Variants in MEI1 observed in about 807,000 individuals in gnomAD.
The protein encoded by MEI1 is meiosis inhibitor protein 1.
A neutral mutation model predicts 146.2 loss-of-function variants in MEI1; 103 were observed. The ratio of observed to expected loss-of-function variants is 0.70; its 90% confidence interval spans 0.60 to 0.83. MEI1 has a LOEUF of 0.83. Ranked by LOEUF, MEI1 falls within the 40% of genes least tolerant of loss-of-function variation. The pLI is 0.00. For missense variants in MEI1, 1,529 were observed against 1,533.0 expected, an observed-to-expected ratio of 1.00 and a Z score of 0.04; for synonymous variants, 652 against 628.2, an observed-to-expected ratio of 1.04 and a Z score of -0.57.
At chr22:41,736,884 C>A (rs5758441) in intron 11 of MEI1, among the ~76,000 whole-genome samples, 97,106 of 151,986 alleles carry the variant, frequency 0.64, 34,166 homozygotes, top group East Asian at 0.92. Context: ...AACTCCAGAC[C>A]ACATTTCCAA....
chr22:41,700,287 A>C (rs906925274), intron 1 of MEI1, among the ~76,000 whole-genome samples: 2 of 152,202 alleles, frequency 1.3e-5, no homozygotes, highest in Admixed American at 6.5e-5. Flanking sequence ...GAGCTGGCCA[A>C]AGCGGGCTGC....
At chr22:41,726,017 T>G (rs1171352637) in intron 7 of MEI1, among the ~76,000 whole-genome samples, 1 of 152,158 alleles carries the variant, frequency 6.6e-6, no homozygotes. Flanking sequence ...CAGTGGCTCA[T>G]GCCTGTAATC....
At chr22:41,752,696 T>A in intron 16 of MEI1, 45 bp downstream of exon 16, 1 of 1,506,596 alleles carries the variant, frequency 6.6e-7, no homozygotes, top group Non-Finnish European at 9.1e-7. Flanking sequence ...GGGGCCAATG[T>A]CCCTCTTGAT....
chr22:41,699,535 G>GGA lies in MEI1; in HGVS notation c.-1_1dup, dbSNP rs143622216. 40,863 of 1,609,916 alleles carry GGA rather than the reference G, an allele frequency of 0.025. 2,770 individuals carry two copies. The African/African-American group carries it at 0.26, about 10-fold the overall frequency. The stretch of plus-strand genomic sequence containing the variant: ...TGCCGCCTCAGCTGAGGGCAAGCGA[G>GGA]GAGATGGCTGTGAGGCAGGCGGCGA... On this transcript the variant is annotated 5_prime_UTR_variant, in exon 1 of 31. Transcript: ENST00000401548.
At position 41,776,141 on chromosome 22, in the gene MEI1, G is replaced by T; in HGVS notation, c.2584G>T (p.Val862Leu). The T allele has an allele frequency of 6.2e-7, 1 of 1,613,944 alleles. No homozygotes were observed. Among genetic ancestry groups the T allele is most frequent in the Non-Finnish European group, 8.5e-7 (1 of 1,179,880 alleles). ...CAGCCCAGTGGACACAGCTCACAAG[G>T]TACTGATTAGCCTGAGGACCTTCCT... ...YSSPVDTAHK[V>L]LISLRTFLRR... The change falls in exon 21 of 31, where the codon GTA becomes TTA. Residue 862 changes from valine (V) to leucine (L), a missense_variant. Val to Leu is a conservative substitution (Grantham distance 32). Around this residue, in one of 3 missense-constraint regions of MEI1, gnomAD observed 1,212 missense variants for 1,178.9 expected, o/e 1.03. Coordinates refer to ENST00000401548, the MANE Select transcript of MEI1 (RefSeq NM_152513.4).
intron 5 of MEI1, among the ~76,000 whole-genome samples, chr22:41,717,255 C>A (rs2070293270): frequency 6.6e-6 from 1 of 152,078 alleles, no homozygotes; most frequent in Non-Finnish European, 1.5e-5. Flanking sequence ...CTCTGCCTCC[C>A]AGGTTCAAGT....
intron 4 of MEI1, among the ~76,000 whole-genome samples, chr22:41,715,642 G>A (rs1442025687): frequency 1.3e-5 from 2 of 151,838 alleles, no homozygotes; most frequent in African/African-American, 2.4e-5. Flanking sequence ...TGATCCGCCC[G>A]CCTCGGCCTC....
chr22:41,726,315 G>T (rs543259389), intron 7 of MEI1, among the ~76,000 whole-genome samples: 1 of 152,294 alleles, frequency 6.6e-6, no homozygotes, highest in African/African-American at 2.4e-5. Flanking sequence ...CTAGGATCAG[G>T]TTTCTGACTT....
At chr22:41,750,334 T>C (rs2073663471) in intron 15 of MEI1, among the ~76,000 whole-genome samples, 1 of 152,058 alleles carries the variant, frequency 6.6e-6, no homozygotes, top group African/African-American at 2.4e-5. Flanking sequence ...GTTTTGTGGA[T>C]TGGGGAGTAG....
intron 14 of MEI1, among the ~76,000 whole-genome samples, chr22:41,747,904 C>G (rs543827069): frequency 2.5e-4 from 38 of 152,204 alleles, no homozygotes; most frequent in African/African-American, 8.7e-4. Context: ...GTCTTGGGAA[C>G]AGAAGCCCAA....
intron 15 of MEI1, among the ~76,000 whole-genome samples, chr22:41,749,266 T>A (rs548903353): frequency 2.5e-5 from 3 of 122,094 alleles, no homozygotes; most frequent in African/African-American, 1.1e-4. Flanking sequence ...ATGTGAGGAA[T>A]TTGGATTTTT....
intron 20 of MEI1, among the ~76,000 whole-genome samples, chr22:41,773,620 A>T (rs1044387183): frequency 6.6e-6 from 1 of 151,688 alleles, no homozygotes; most frequent in Non-Finnish European, 1.5e-5. Context: ...TCACGCCTGT[A>T]ATCCCAGCGC....
intron 7 of MEI1, among the ~76,000 whole-genome samples, chr22:41,725,730 C>A (rs904432535): frequency 6.6e-6 from 1 of 152,350 alleles, no homozygotes; most frequent in African/African-American, 2.4e-5. Context: ...AGTCAGCCTT[C>A]AAGCCTATAG....
Position 41,794,410 on chromosome 22 carries a change from T to C in MEI1, c.3467T>C (p.Leu1156Pro). 6.2e-7 allele frequency: 1 copy of C among 1,614,014 alleles called. No homozygotes were observed. The highest frequency in any genetic ancestry group is 8.5e-7 in the Non-Finnish European group (1 of 1,179,882). Residue 1156 changes from leucine (L) to proline (P), a missense_variant, in exon 28 of 31, where the codon CTG becomes CCG. By Grantham distance (98) the Leu-to-Pro change is moderately conservative. Around this residue, in one of 3 missense-constraint regions of MEI1, gnomAD observed 313 missense variants for 337.3 expected, o/e 0.93. Transcript: ENST00000401548. ...TCCCAGCCTTGGAATCGGTTTTTGC[T>C]GTTTACCCTCTTGGATGCTGGAGAG... is the stretch of plus-strand genomic sequence containing the variant. ...VASQPWNRFL[L>P]FTLLDAGENS...
At chr22:41,791,323 T>TA (rs113780416) in intron 26 of MEI1, among the ~76,000 whole-genome samples, 10,132 of 151,926 alleles carry the variant, frequency 0.067, 1,088 homozygotes, top group African/African-American at 0.23. Context: ...CCTATCTCTA[T>TA]AAAAAATACA....
intron 18 of MEI1, among the ~76,000 whole-genome samples, chr22:41,762,549 G>GT (rs554541069): frequency 0.031 from 3,949 of 128,778 alleles, 321 homozygotes; most frequent in South Asian, 0.082. Flanking sequence ...TAATTTAACT[G>GT]ATTTTTTTTT....
At chr22:41,786,441 G>T (rs2075989255) in intron 26 of MEI1, among the ~76,000 whole-genome samples, 1 of 152,206 alleles carries the variant, frequency 6.6e-6, no homozygotes, top group East Asian at 1.9e-4. Flanking sequence ...AGGCACAGCT[G>T]GATCCCAGAA....
intron 5 of MEI1, 121 bp downstream of exon 5, chr22:41,716,267 G>T: frequency 1.6e-6 from 1 of 630,778 alleles, no homozygotes; most frequent in Non-Finnish European, 2.7e-6. Flanking sequence ...TTAGCCTTCA[G>T]TTTCCCCGTC....
In MEI1 at chr22:41,709,089, A is replaced by G. The variant is rs187582057; in HGVS notation, c.349+3535A>G. The G allele has an allele frequency of 3.9e-5, 22 of 568,306 alleles. No homozygotes were observed. The Admixed American group carries it at 5.5e-4, about 14-fold the overall frequency. 35.2% of individuals were successfully genotyped at this position (568,306 alleles called of 1,614,324 possible). A position where few individuals can be genotyped will look rare whatever the true frequency, so the allele number is the denominator to read the frequency against. ...GACATATGCCCCTTCCCCAAAATAT[A>G]ACAGTGAAGTGTTCTGTGTGCTAAC... On this transcript the variant is annotated intron_variant, in intron 3 of 30. Transcript: ENST00000401548.
Sources: gnomAD v4.1 joint callset for allele counts (sites outside exome capture counted in the v4.1 genomes callset) on GRCh38, gnomAD v4.1.1 for gene constraint, gnomAD v4.1.1 regional missense constraint, MANE v1.5 for transcripts, NCBI Gene and HGNC (gene_info 2026-07-23, HGNC 2026-07-21) for gene names.